Variants in CDKAL1 observed in about 807,000 individuals in gnomAD.
CDKAL1 encodes the protein CDKAL1 threonylcarbamoyladenosine tRNA methylthiotransferase.
In CDKAL1, 32 loss-of-function variants were observed where a neutral mutation model predicts 68.2. The ratio of observed to expected loss-of-function variants is 0.47; its 90% CI spans 0.35 to 0.63. The LOEUF (loss-of-function observed/expected upper bound fraction) is 0.63, where lower values mean the gene tolerates loss of function less well. CDKAL1 is among the 30% of genes least tolerant of loss of function. The pLI is 0.00. For missense variants in CDKAL1, 606 were observed against 696.7 expected (o/e 0.87, Z 1.47); for synonymous variants, 234 against 244.3 (o/e 0.96, Z 0.39).
chr6:20,834,507 G>A (rs1023323053), intron 8 of CDKAL1, among the ~76,000 whole-genome samples: 3 of 152,026 alleles, frequency 2.0e-5, no homozygotes, highest in Admixed American at 6.6e-5. Context: ...TTGTTTGGTT[G>A]GTTTATTTTT....
chr6:21,041,602 CT>C (rs61519451), intron 11 of CDKAL1, among the ~76,000 whole-genome samples: 38,605 of 137,890 alleles, frequency 0.28, 5,326 homozygotes, highest in East Asian at 0.43. Context: ...CTCTGAAAAT[CT>C]TTTTTTTTTT....
At chr6:20,639,260 T>G (rs1768051884) in intron 4 of CDKAL1, among the ~76,000 whole-genome samples, 1 of 152,208 alleles carries the variant, frequency 6.6e-6, no homozygotes, top group Admixed American at 6.5e-5. Context: ...GGGACTATTT[T>G]AAGAGAACAA....
chr6:20,906,544 A>C (rs1161204182), intron 9 of CDKAL1, among the ~76,000 whole-genome samples: 1 of 152,180 alleles, frequency 6.6e-6, no homozygotes, highest in Non-Finnish European at 1.5e-5. Context: ...ATACCCTGTT[A>C]AACCCATTAT....
At chr6:20,784,038 C>A (rs758959388) in intron 8 of CDKAL1, among the ~76,000 whole-genome samples, 44 of 152,086 alleles carry the variant, frequency 2.9e-4, no homozygotes, top group Non-Finnish European at 5.4e-4. Context: ...CAAGGTGAAA[C>A]CCCGACTCTA....
chr6:21,202,808 C>A (rs1778744365), intron 15 of CDKAL1, among the ~76,000 whole-genome samples: 1 of 152,104 alleles, frequency 6.6e-6, no homozygotes, highest in Non-Finnish European at 1.5e-5. Context: ...CGTTTAAATT[C>A]TCTGGGGCAC....
chr6:20,761,856 A>G (rs912470150), intron 7 of CDKAL1, among the ~76,000 whole-genome samples: 1 of 152,198 alleles, frequency 6.6e-6, no homozygotes, highest in Admixed American at 6.5e-5. Context: ...TTGTCATTAT[A>G]TATTTGTTTA....
intron 4 of CDKAL1, among the ~76,000 whole-genome samples, chr6:20,561,806 A>AAAAATT (rs1764278742): frequency 6.6e-6 from 1 of 152,222 alleles, no homozygotes; most frequent in African/African-American, 2.4e-5. Context: ...AAGTTAGAAG[A>AAAAATT]AAAATTAAAG....
In CDKAL1 at chr6:21,030,459, C is replaced by T. The variant is rs547599870; in HGVS notation, c.1055+30087C>T. Among the ~76,000 whole-genome samples, 216 of 152,194 alleles carry T rather than the reference C, an allele frequency of 1.4e-3. 2 individuals carry two copies. Among genetic ancestry groups the T allele is most frequent in the Non-Finnish European group, 2.4e-3 (163 of 68,024 alleles). ...CGTATACCTATGTAACAAACCTACACGTTCTGCACTTGTATCTCAGAACTT... is the reference window on the plus strand; with the variant it reads ...CGTATACCTATGTAACAAACCTACATGTTCTGCACTTGTATCTCAGAACTT... On this transcript the variant is annotated intron_variant, in intron 11 of 15. Transcript: ENST00000274695.
chr6:20,972,842 C>G (rs1296865419), intron 10 of CDKAL1, among the ~76,000 whole-genome samples: 4 of 152,170 alleles, frequency 2.6e-5, no homozygotes, highest in Non-Finnish European at 5.9e-5. Flanking sequence ...GAGCACTGGA[C>G]AGATTTTCAC....
chr6:20,808,689 G>A (rs775738382), intron 8 of CDKAL1, among the ~76,000 whole-genome samples: 3 of 152,078 alleles, frequency 2.0e-5, no homozygotes, highest in Non-Finnish European at 4.4e-5. Flanking sequence ...CTGGGTTTCA[G>A]GAGAGAAGAT....
At chr6:21,033,985 AGC>A (rs1769435906) in intron 11 of CDKAL1, among the ~76,000 whole-genome samples, 1 of 152,166 alleles carries the variant, frequency 6.6e-6, no homozygotes. Flanking sequence ...CAGCAGCAGC[AGC>A]AGCAGCAGCA....
chr6:20,915,532 T>G (rs193012527), intron 9 of CDKAL1, among the ~76,000 whole-genome samples: 146 of 152,294 alleles, frequency 9.6e-4, no homozygotes, highest in Non-Finnish European at 1.7e-3. Flanking sequence ...ATAATCTGCT[T>G]TACTCAAACT....
intron 5 of CDKAL1, among the ~76,000 whole-genome samples, chr6:20,673,060 A>T (rs1769925703): frequency 6.6e-6 from 1 of 152,250 alleles, no homozygotes; most frequent in Non-Finnish European, 1.5e-5. Flanking sequence ...TACAGGCCTG[A>T]GCCACAGCGC....
intron 4 of CDKAL1, among the ~76,000 whole-genome samples, chr6:20,561,446 G>GAAAAAAAAAAAAAAAAAAAAAAAAA (rs55750789): frequency 1.0e-4 from 8 of 79,652 alleles, no homozygotes; most frequent in Non-Finnish European, 1.2e-4. Context: ...TCTCAAAAAA[G>GAAAAAAAAAAAAAAAAAAAAAAAAA]AAAAAAAAAA....
At chr6:21,132,303 C>G (rs966471515) in intron 13 of CDKAL1, among the ~76,000 whole-genome samples, 123 of 152,128 alleles carry the variant, frequency 8.1e-4, no homozygotes, top group Middle Eastern at 3.4e-3. Flanking sequence ...TAGATTAATA[C>G]CCAGCTGATA....
At chr6:21,059,185 T>A (rs1478863236) in intron 11 of CDKAL1, among the ~76,000 whole-genome samples, 1 of 152,200 alleles carries the variant, frequency 6.6e-6, no homozygotes, top group Non-Finnish European at 1.5e-5. Context: ...AGAAGCAGTC[T>A]GGCCATGATC....
At chr6:21,120,794 A>G (rs1774672685) in intron 13 of CDKAL1, among the ~76,000 whole-genome samples, 1 of 152,194 alleles carries the variant, frequency 6.6e-6, no homozygotes, top group South Asian at 2.1e-4. Context: ...TCTTTTTTAA[A>G]AAAATAGCTG....
At position 20,847,191 on chromosome 6, in the gene CDKAL1, C is replaced by T. The variant is rs1035699573; in HGVS notation, c.742+1013C>T. On this transcript the variant is annotated intron_variant, in intron 9 of 15. Transcript: ENST00000274695. ...TATATTCTTAGCTCAGTCCCCTCCT[C>T]CTTTCACATTCAACTAGTATTGAGA... Among the ~76,000 whole-genome samples, 21 of 152,302 alleles carry T rather than the reference C, an allele frequency of 1.4e-4. 1 individual carries two copies. The highest frequency in any genetic ancestry group is 4.6e-4 in the African/African-American group (19 of 41,558).
At chr6:20,990,096 A>C (rs1202470139) in intron 10 of CDKAL1, among the ~76,000 whole-genome samples, 1 of 152,108 alleles carries the variant, frequency 6.6e-6, no homozygotes, top group Non-Finnish European at 1.5e-5. Flanking sequence ...TACACAAATT[A>C]GCTGGGCGTG....
Sources: allele counts gnomAD v4.1 joint callset (sites outside exome capture counted in the v4.1 genomes callset), GRCh38; gene constraint gnomAD v4.1.1; transcripts MANE v1.5; gene names NCBI Gene and HGNC (gene_info 2026-07-23, HGNC 2026-07-21).